EMID1: variants seen among roughly 807,000 people sequenced by gnomAD.
The protein encoded by EMID1 is EMI domain containing 1.
A neutral mutation model predicts 60.6 loss-of-function variants in EMID1; 40 were observed. That is an observed-to-expected ratio of 0.66 (90% CI 0.51 to 0.86). The LOEUF is 0.86. Among genes scored for constraint, EMID1 ranks in the 40% least tolerant of loss-of-function variants. EMID1 has a pLI of 0.00. For synonymous variants in EMID1, 242 were observed against 231.0 expected, an observed-to-expected ratio of 1.05 and a Z score of -0.43; for missense variants, 585 against 597.1, an observed-to-expected ratio of 0.98 and a Z score of 0.21.
chr22:29,235,348 CAAAAAA>C (rs3066718), intron 12 of EMID1, among the ~76,000 whole-genome samples: 1 of 113,376 alleles, frequency 8.8e-6, no homozygotes. Flanking sequence ...GACTTCATCT[CAAAAAA>C]AAAAAAAAAA....
At chr22:29,241,793 A>ATTTTTT (rs34030930) in intron 12 of EMID1, among the ~76,000 whole-genome samples, 1 of 151,242 alleles carries the variant, frequency 6.6e-6, no homozygotes. Context: ...TTCCCCAAAC[A>ATTTTTT]TTTTTTTCTG....
chr22:29,220,232 G>A (rs2040241105), intron 3 of EMID1, among the ~76,000 whole-genome samples: 1 of 152,174 alleles, frequency 6.6e-6, no homozygotes, highest in Non-Finnish European at 1.5e-5. Context: ...GCTCCCACCT[G>A]GCTAGGTTGA....
chr22:29,254,374 C>G lies in EMID1; in HGVS notation c.1204+87C>G, dbSNP rs1324298232. On this transcript the variant is annotated intron_variant, in intron 14 of 14. Transcript: ENST00000334018. ...CCTCCTGGGGTGGAACTGGCCTGAG[C>G]CCAGTCATGAGGCTGGAGAAGGTGC... The G allele has an allele frequency of 6.8e-6, 9 of 1,314,638 alleles. No homozygotes were observed. In the Admixed American group the frequency reaches 1.5e-4, roughly 22 times the overall value. 81.4% of individuals were successfully genotyped at this position (1,314,638 alleles called of 1,614,324 possible). A position where few individuals can be genotyped will look rare whatever the true frequency, so the allele number is the denominator to read the frequency against.
Position 29,226,571 on chromosome 22 carries a change from C to T in EMID1, c.465+20C>T, listed in dbSNP as rs370521622. Reference sequence around the variant, plus strand: ...GCCAAGGTGGGTGAGCAGCTCCCTCCTGGGTGGTTGTTCCCTGCCACAGGC... The same window carrying T: ...GCCAAGGTGGGTGAGCAGCTCCCTCTTGGGTGGTTGTTCCCTGCCACAGGC... On this transcript the variant is annotated intron_variant, in intron 5 of 14. Transcript: ENST00000334018. The T allele has an allele frequency of 5.3e-5, 85 of 1,607,170 alleles. No homozygotes were observed. The highest frequency in any genetic ancestry group is 2.2e-5 in the South Asian group (2 of 90,210).
At chr22:29,232,501 C>T (rs984363795) in intron 8 of EMID1, 99 bp downstream of exon 8, 26 of 1,345,552 alleles carry the variant, frequency 1.9e-5, no homozygotes, top group Non-Finnish European at 2.5e-5. Flanking sequence ...TGTGCCAGCC[C>T]TGCTCACGAT....
chr22:29,209,550 A>G (rs986792422), intron 1 of EMID1, among the ~76,000 whole-genome samples: 5 of 152,160 alleles, frequency 3.3e-5, no homozygotes, highest in African/African-American at 1.2e-4. Context: ...CCTGTTCTCC[A>G]TCATTCAGTC....
intron 3 of EMID1, among the ~76,000 whole-genome samples, chr22:29,220,192 A>G (rs1266855760): frequency 6.6e-6 from 1 of 152,180 alleles, no homozygotes; most frequent in African/African-American, 2.4e-5. Context: ...GTGGCCGGCA[A>G]GTCGCTGCTC....
intron 13 of EMID1, among the ~76,000 whole-genome samples, chr22:29,251,138 G>A (rs4369969): frequency 0.58 from 87,692 of 151,288 alleles, 25,641 homozygotes; most frequent in Middle Eastern, 0.65. Context: ...TGGCTGGAGT[G>A]CAGTGGTACG....
rs1287648396 is a variant in EMID1 at position 29,239,778 on chromosome 22, GAC to G, written c.1075-3665_1075-3664del. 2.8e-5 allele frequency among the ~76,000 whole-genome samples: 4 copies of G among 142,586 alleles called. No individual in the cohort carries two copies. In the East Asian group the frequency reaches 8.0e-4, roughly 28 times the overall value. 93.5% of individuals were successfully genotyped at this position (142,586 alleles called of 152,430 possible). A position where few individuals can be genotyped will look rare whatever the true frequency, so the allele number is the denominator to read the frequency against. On this transcript the variant is annotated intron_variant, in intron 12 of 14. Coordinates refer to ENST00000334018, the MANE Select transcript of EMID1 (RefSeq NM_133455.4). Reference sequence around the variant, plus strand: ...ATCTCAGTCTTTTTTTTTTTTTTGAGACAGAGTCTCACTCTGTCTCCCAGGCA... The same window carrying G: ...ATCTCAGTCTTTTTTTTTTTTTTGAGAGAGTCTCACTCTGTCTCCCAGGCA...
intron 5 of EMID1, among the ~76,000 whole-genome samples, chr22:29,227,644 G>T (rs1247439828): frequency 1.4e-5 from 2 of 143,644 alleles, no homozygotes; most frequent in Non-Finnish European, 3.0e-5. Flanking sequence ...GGTGGAGGTT[G>T]TAGTGAGCCA....
At chr22:29,248,259 CTT>C (rs33924066) in intron 13 of EMID1, among the ~76,000 whole-genome samples, 32,098 of 115,792 alleles carry the variant, frequency 0.28, 4,911 homozygotes, top group Middle Eastern at 0.44. Context: ...GTGCCTGGCC[CTT>C]TTTTTTTTTT....
rs1436912277 is a variant in EMID1 at position 29,206,139 on chromosome 22, G to T, written c.101G>T (p.Arg34Met). 1 of 1,230,620 alleles carries T rather than the reference G, an allele frequency of 8.1e-7. No homozygotes were observed. Among genetic ancestry groups the T allele is most frequent in the Middle Eastern group, 3.0e-4 (1 of 3,368 alleles). 76.2% of individuals were successfully genotyped at this position (1,230,620 alleles called of 1,614,324 possible). Residue 34 changes from arginine to methionine, a missense_variant and splice_region_variant, in exon 1 of 15, where the codon AGG becomes ATG. Arg to Met is a moderately conservative substitution (Grantham distance 91). Transcript: ENST00000334018. ...GGGGCAGCTCCGTTCTCCGGACGCA[G>T]GTAAGAGCTCCCGGCGCCTTTGCAC... ...SIGAAPFSGR[R>M]NWCSYVVTRT...
At chr22:29,256,581 G>C (rs2041715512) in intron 14 of EMID1, among the ~76,000 whole-genome samples, 1 of 152,036 alleles carries the variant, frequency 6.6e-6, no homozygotes, top group Non-Finnish European at 1.5e-5. Context: ...TTGAAAGCCA[G>C]ACCTGTTGGG....
chr22:29,231,619 G>T lies in EMID1; in HGVS notation c.613G>T (p.Gly205Trp). The T allele has an allele frequency of 6.6e-7, 1 of 1,520,338 alleles. No homozygotes were observed. Among genetic ancestry groups the T allele is most frequent in the Non-Finnish European group, 8.8e-7 (1 of 1,130,600 alleles). 94.2% of individuals were successfully genotyped at this position (1,520,338 alleles called of 1,614,324 possible). A position where few individuals can be genotyped will look rare whatever the true frequency, so the allele number is the denominator to read the frequency against. Residue 205 changes from glycine to tryptophan, a missense_variant, in exon 7 of 15, where the codon GGG (glycine) becomes TGG (tryptophan). Gly to Trp is a radical substitution (Grantham distance 184). Transcript: ENST00000334018. ...QDQVGAWGLP[G>W]PTGPKGDAGS... is the part of the protein sequence containing the mutation. ...CCAAGTCGGTGCTTGGGGGCTTCCC[G>T]GGCCCACCGGCCCCAAGGGAGATGC... is the stretch of plus-strand genomic sequence containing the variant.
At chr22:29,252,834 T>G (rs777379330) in intron 13 of EMID1, among the ~76,000 whole-genome samples, 26 of 152,150 alleles carry the variant, frequency 1.7e-4, no homozygotes, top group Non-Finnish European at 3.4e-4. Context: ...TGTGCCAGAT[T>G]GTGGACCTGG....
At chr22:29,252,583 T>A (rs75522396) in intron 13 of EMID1, among the ~76,000 whole-genome samples, 1 of 152,070 alleles carries the variant, frequency 6.6e-6, no homozygotes, top group African/African-American at 2.4e-5. Flanking sequence ...TTGTCAAGAC[T>A]ATGGACCATA....
At chr22:29,242,409 C>T (rs187175736) in intron 12 of EMID1, among the ~76,000 whole-genome samples, 40 of 152,326 alleles carry the variant, frequency 2.6e-4, no homozygotes, top group Admixed American at 2.5e-3. Context: ...AATTCTCCAT[C>T]TTATCACCCA....
chr22:29,220,725 C>T (rs1407307029), intron 3 of EMID1, among the ~76,000 whole-genome samples: 1 of 152,104 alleles, frequency 6.6e-6, no homozygotes, highest in Non-Finnish European at 1.5e-5. Flanking sequence ...ATCCCAGCCC[C>T]CCTCGTCCCA....
At chr22:29,246,926 T>C (rs2146403540) in intron 13 of EMID1, among the ~76,000 whole-genome samples, 1 of 152,240 alleles carries the variant, frequency 6.6e-6, no homozygotes, top group East Asian at 1.9e-4. Flanking sequence ...GTGTTGGGAT[T>C]ACAAGTGTGA....
Sources: gnomAD v4.1 joint callset for allele counts (sites outside exome capture counted in the v4.1 genomes callset) on GRCh38, gnomAD v4.1.1 for gene constraint, MANE v1.5 for transcripts, NCBI Gene and HGNC (gene_info 2026-07-23, HGNC 2026-07-21) for gene names.